ARID2: variants seen among roughly 807,000 people sequenced by gnomAD.
The protein encoded by ARID2 is AT-rich interaction domain 2, also known as AT-rich interactive domain-containing protein 2.
Under a neutral mutation model 184.6 loss-of-function variants are expected in ARID2, and 32 were observed. The ratio of observed to expected loss-of-function variants is 0.17; its 90% CI spans 0.13 to 0.23. The LOEUF (loss-of-function observed/expected upper bound fraction) is 0.23. Ranked by LOEUF, ARID2 falls within the 10% of genes least tolerant of loss-of-function variation. The pLI, the probability that ARID2 is intolerant of heterozygous loss-of-function variation, is 1.00. For synonymous variants in ARID2, 836 were observed against 772.6 expected, an observed-to-expected ratio of 1.08 and a Z score of -1.36; for missense variants, 1,696 against 2,197.6, an observed-to-expected ratio of 0.77 and a Z score of 4.56.
intron 4 of ARID2, among the ~76,000 whole-genome samples, chr12:45,811,989 AT>A (rs992112046): frequency 6.6e-6 from 1 of 151,168 alleles, no homozygotes; most frequent in Non-Finnish European, 1.5e-5. Flanking sequence ...TAGCAGGAAG[AT>A]TTTTTTTTCA....
chr12:45,853,229 GA>G (rs1169931116), intron 15 of ARID2, among the ~76,000 whole-genome samples: 3 of 152,130 alleles, frequency 2.0e-5, no homozygotes, highest in Non-Finnish European at 4.4e-5. Context: ...GTGTTGGGGG[GA>G]ATGGGGGTCC....
intron 3 of ARID2, among the ~76,000 whole-genome samples, chr12:45,756,641 A>G (rs1941577233): frequency 1.3e-5 from 2 of 152,262 alleles, no homozygotes; most frequent in Admixed American, 1.3e-4. Context: ...CCCTACCTGT[A>G]ACATTCAAGG....
chr12:45,738,448 G>A (rs1207939857), intron 3 of ARID2, among the ~76,000 whole-genome samples: 1 of 152,072 alleles, frequency 6.6e-6, no homozygotes, highest in Non-Finnish European at 1.5e-5. Flanking sequence ...CCAGGTAGCT[G>A]GAATTACAGG....
intron 16 of ARID2, among the ~76,000 whole-genome samples, chr12:45,888,539 A>C (rs1443175437): frequency 6.6e-6 from 1 of 152,216 alleles, no homozygotes; most frequent in Admixed American, 6.5e-5. Flanking sequence ...TAGAGGATTA[A>C]CAAGATGGGC....
At chr12:45,797,600 A>G (rs1043444095) in intron 3 of ARID2, among the ~76,000 whole-genome samples, 33 of 152,168 alleles carry the variant, frequency 2.2e-4, no homozygotes, top group Admixed American at 2.2e-3. Context: ...CATGCTAAGA[A>G]GAGCCTTCCT....
chr12:45,811,392 T>C (rs2138082275), intron 3 of ARID2, 26 bp from the exon 4 acceptor site: 1 of 1,595,312 alleles, frequency 6.3e-7, no homozygotes, highest in Non-Finnish European at 8.5e-7. Context: ...TTTTTAAATG[T>C]TTGCTGTGCT....
At chr12:45,836,691 G>A (rs2138125985) in intron 7 of ARID2, 36 bp downstream of exon 7, 2 of 1,601,368 alleles carry the variant, frequency 1.2e-6, no homozygotes, top group Non-Finnish European at 8.5e-7. Flanking sequence ...CAAAACCTTT[G>A]AAGTATTAAT....
chr12:45,749,561 A>G (rs1312182506), intron 3 of ARID2, among the ~76,000 whole-genome samples: 6 of 152,196 alleles, frequency 3.9e-5, no homozygotes, highest in Non-Finnish European at 8.8e-5. Flanking sequence ...CCAGGCATTG[A>G]CTTTTCCTTT....
intron 3 of ARID2, among the ~76,000 whole-genome samples, chr12:45,770,252 C>CAA (rs1241114832): frequency 2.2e-5 from 3 of 135,868 alleles, no homozygotes; most frequent in African/African-American, 8.1e-5. Flanking sequence ...GACTCCATCT[C>CAA]AAAAAAAAAA....
intron 3 of ARID2, among the ~76,000 whole-genome samples, chr12:45,758,463 G>A (rs1283084710): frequency 6.6e-6 from 1 of 151,766 alleles, no homozygotes; most frequent in African/African-American, 2.4e-5. Flanking sequence ...TCTTCTTCCA[G>A]TGTGACCTAG....
intron 20 of ARID2, among the ~76,000 whole-genome samples, chr12:45,898,459 A>AT (rs1282840414): frequency 1.3e-5 from 2 of 152,246 alleles, no homozygotes; most frequent in Non-Finnish European, 2.9e-5. Flanking sequence ...TTTTACCACA[A>AT]TGGAAAAAAA....
At chr12:45,811,651 C>T in intron 4 of ARID2, 100 bp downstream of exon 4, 1 of 1,252,284 alleles carries the variant, frequency 8.0e-7, no homozygotes, top group East Asian at 2.6e-5. Flanking sequence ...CACATGAGAA[C>T]ACTTAAGGCC....
chr12:45,767,665 GAAACA>G (rs1443366894), intron 3 of ARID2, among the ~76,000 whole-genome samples: 2 of 152,108 alleles, frequency 1.3e-5, no homozygotes, highest in African/African-American at 2.4e-5. Flanking sequence ...TCTGTTTCTT[GAAACA>G]AAACAAAACA....
At chr12:45,754,573 TCCTA>T (rs1219597478) in intron 3 of ARID2, among the ~76,000 whole-genome samples, 1 of 152,248 alleles carries the variant, frequency 6.6e-6, no homozygotes, top group Non-Finnish European at 1.5e-5. Context: ...CCTGACATAC[TCCTA>T]CCTATCTTTG....
intron 20 of ARID2, among the ~76,000 whole-genome samples, chr12:45,899,270 CAAAA>C (rs774912363): frequency 1.7e-4 from 8 of 46,330 alleles, no homozygotes; most frequent in South Asian, 9.7e-4. Context: ...GACTCTGTCT[CAAAA>C]AAAAAAAAAA....
intron 20 of ARID2, among the ~76,000 whole-genome samples, chr12:45,899,584 C>T (rs762906020): frequency 6.1e-5 from 9 of 147,716 alleles, no homozygotes; most frequent in East Asian, 3.9e-4. Context: ...CCAGCCTGGG[C>T]GACAGAGCGA....
chr12:45,879,230 A>T (rs1944061382), intron 16 of ARID2, among the ~76,000 whole-genome samples: 1 of 152,154 alleles, frequency 6.6e-6, no homozygotes, highest in South Asian at 2.1e-4. Context: ...CGAAAAGTCT[A>T]GAGAGGGCCC....
At chr12:45,785,706 A>G (rs1237912782) in intron 3 of ARID2, among the ~76,000 whole-genome samples, 1 of 152,180 alleles carries the variant, frequency 6.6e-6, no homozygotes, top group East Asian at 1.9e-4. Context: ...GCTTAATGCA[A>G]ACATTCCCAA....
intron 3 of ARID2, among the ~76,000 whole-genome samples, chr12:45,768,905 A>T (rs1001093631): frequency 2.6e-5 from 4 of 152,216 alleles, no homozygotes; most frequent in Non-Finnish European, 5.9e-5. Context: ...GAAAGAGGAA[A>T]AGAGTGCCCT....
Sources: gnomAD v4.1 joint callset for allele counts (sites outside exome capture counted in the v4.1 genomes callset) on GRCh38, gnomAD v4.1.1 for gene constraint, MANE v1.5 for transcripts, NCBI Gene and HGNC (gene_info 2026-07-23, HGNC 2026-07-21) for gene names.